AGK: variants seen among roughly 807,000 people sequenced by gnomAD.
AGK encodes acylglycerol kinase, mitochondrial.
AGK carries 52 observed loss-of-function variants against 66.4 expected under a neutral mutation model. The ratio of observed to expected loss-of-function variants is 0.78; its 90% CI spans 0.63 to 0.99. AGK has a LOEUF of 0.99. Among genes scored for constraint, AGK ranks in the 50% least tolerant of loss-of-function variants. The probability of loss-of-function intolerance (pLI) is 0.00; values close to 1 mark genes in which losing one functional copy is unlikely to be tolerated. For synonymous variants in AGK, 182 were observed against 181.1 expected (o/e 1.00, Z -0.04); for missense variants, 451 against 506.6 (o/e 0.89, Z 1.05).
chr7:141,576,395 C>T (rs954185596), intron 2 of AGK, among the ~76,000 whole-genome samples: 21 of 151,632 alleles, frequency 1.4e-4, no homozygotes, highest in African/African-American at 3.2e-4. Context: ...AAGCTAATTC[C>T]GATCTGCTAT....
chr7:141,653,292 C>G lies in AGK; in HGVS notation c.*368C>G, dbSNP rs1797609466. On this transcript the variant is annotated 3_prime_UTR_variant, in exon 16 of 16. Coordinates refer to ENST00000649286, the MANE Select transcript of AGK (RefSeq NM_018238.4). ...CTTCCATTTCTCTTCTTTGACCGTG[C>G]TAGGAATTCCAGGAAAGTGCATTCC... 1 of 186,364 alleles carries G rather than the reference C, an allele frequency of 5.4e-6. No individual in the cohort carries two copies. Among genetic ancestry groups the G allele is most frequent in the Admixed American group, 5.4e-5 (1 of 18,468 alleles). 11.5% of individuals were successfully genotyped at this position (186,364 alleles called of 1,614,324 possible).
At chr7:141,581,313 G>C (rs1247269593) in intron 2 of AGK, among the ~76,000 whole-genome samples, 1 of 151,892 alleles carries the variant, frequency 6.6e-6, no homozygotes, top group African/African-American at 2.4e-5. Flanking sequence ...GCATGTTTGA[G>C]ATCCAGAAGA....
intron 3 of AGK, chr7:141,593,860 A>T (rs1317529287): frequency 6.5e-6 from 1 of 154,086 alleles, no homozygotes; most frequent in African/African-American, 2.4e-5. Context: ...GAAACATGAA[A>T]ATCAAAAGTG....
intron 3 of AGK, among the ~76,000 whole-genome samples, chr7:141,594,354 C>T (rs1221381526): frequency 6.6e-6 from 1 of 151,922 alleles, no homozygotes; most frequent in East Asian, 1.9e-4. Context: ...ACCACCATGT[C>T]CAGCTAATTT....
chr7:141,651,906 CAGA>C (rs1222353594), intron 15 of AGK, among the ~76,000 whole-genome samples: 6 of 152,152 alleles, frequency 3.9e-5, no homozygotes, highest in Admixed American at 2.6e-4. Flanking sequence ...GTAAATAATG[CAGA>C]AGGTTACTAC....
At chr7:141,607,304 G>A (rs901332932) in intron 5 of AGK, among the ~76,000 whole-genome samples, 1 of 151,960 alleles carries the variant, frequency 6.6e-6, no homozygotes, top group Non-Finnish European at 1.5e-5. Flanking sequence ...CCATATCCTC[G>A]TCAGTCTTTG....
chr7:141,634,730 C>T (rs546044346), intron 10 of AGK, among the ~76,000 whole-genome samples: 1 of 151,998 alleles, frequency 6.6e-6, no homozygotes, highest in Non-Finnish European at 1.5e-5. Context: ...TTCTTAAAAT[C>T]GAGGGCTTAC....
chr7:141,628,217 T>G (rs1796980577), intron 9 of AGK, among the ~76,000 whole-genome samples: 1 of 152,164 alleles, frequency 6.6e-6, no homozygotes, highest in Non-Finnish European at 1.5e-5. Context: ...TCTTTTATGT[T>G]TTTCTTTGAA....
chr7:141,615,566 G>A lies in AGK; in HGVS notation c.518+1G>A. 6.2e-7 allele frequency: 1 copy of A among 1,611,304 alleles called. No homozygotes were observed. The highest frequency in any genetic ancestry group is 8.5e-7 in the Non-Finnish European group (1 of 1,177,516). On this transcript the variant is annotated splice_donor_variant, in intron 8 of 15. Coordinates refer to ENST00000649286, the MANE Select transcript of AGK (RefSeq NM_018238.4). LOFTEE classifies it high-confidence loss of function. Reference sequence around the variant, plus strand: ...TTGCCGAAAGTGGAAACAAAGTCCAGTAGGTTGTCAATGTGGGGAATTAGC... The same window carrying A: ...TTGCCGAAAGTGGAAACAAAGTCCAATAGGTTGTCAATGTGGGGAATTAGC...
At chr7:141,589,335 A>G (rs117236126) in intron 2 of AGK, among the ~76,000 whole-genome samples, 18 of 152,214 alleles carry the variant, frequency 1.2e-4, no homozygotes, top group African/African-American at 4.1e-4. Flanking sequence ...TAGTTGCTCT[A>G]TGAATTTTAA....
Position 141,641,927 on chromosome 7 carries a change from T to G in AGK, c.975+19T>G. On this transcript the variant is annotated intron_variant, in intron 13 of 15. Transcript: ENST00000649286. ...CCCGACAGTAAGTGTGCTTTTTTAT[T>G]AGAAAAGCATTTGGTACCTAAGAAA... is the stretch of plus-strand genomic sequence containing the variant. The G allele has an allele frequency of 6.4e-7, 1 of 1,555,758 alleles. No homozygotes were observed. Among genetic ancestry groups the G allele is most frequent in the Non-Finnish European group, 8.7e-7 (1 of 1,146,382 alleles).
In AGK at chr7:141,615,539, C is replaced by G. The variant is rs1485021759; in HGVS notation, c.492C>G (p.Leu164=). 1 of 1,613,904 alleles carries G rather than the reference C, an allele frequency of 6.2e-7. No homozygotes were observed. The highest frequency in any genetic ancestry group is 1.7e-5 in the Admixed American group (1 of 60,028). The change falls in exon 8 of 16, where the codon CTC becomes CTG. Residue 164 remains leucine, a synonymous_variant. Coordinates refer to ENST00000649286, the MANE Select transcript of AGK (RefSeq NM_018238.4). ...LGETSSLSHT[L]FAESGNKVQH... is the part of the protein sequence containing the mutation. Reference sequence around the variant, plus strand: ...AGACCAGTAGTTTGAGTCATACCCTCTTTGCCGAAAGTGGAAACAAAGTCC... The same window carrying G: ...AGACCAGTAGTTTGAGTCATACCCTGTTTGCCGAAAGTGGAAACAAAGTCC...
At chr7:141,639,522 G>A (rs1257318292) in intron 11 of AGK, among the ~76,000 whole-genome samples, 5 of 152,144 alleles carry the variant, frequency 3.3e-5, no homozygotes, top group African/African-American at 1.2e-4. Context: ...CAGGACAAGG[G>A]GCACCTTTTT....
intron 5 of AGK, among the ~76,000 whole-genome samples, chr7:141,609,482 GATAC>G (rs1233819354): frequency 6.6e-6 from 1 of 152,228 alleles, no homozygotes. Context: ...CAAATGGAAA[GATAC>G]ATAGGTCAAG....
chr7:141,589,182 G>A (rs1248632972), intron 2 of AGK, among the ~76,000 whole-genome samples: 2 of 152,030 alleles, frequency 1.3e-5, no homozygotes. Context: ...GTGTTTTTGG[G>A]CACGTCACTT....
intron 8 of AGK, among the ~76,000 whole-genome samples, chr7:141,616,750 T>C (rs1796709276): frequency 6.6e-6 from 1 of 151,512 alleles, no homozygotes; most frequent in South Asian, 2.1e-4. Context: ...TCCTTTTTTT[T>C]TCTTTTTCTT....
intron 2 of AGK, among the ~76,000 whole-genome samples, chr7:141,568,066 C>A (rs975985836): frequency 6.6e-6 from 1 of 152,104 alleles, no homozygotes; most frequent in African/African-American, 2.4e-5. Flanking sequence ...ACATACTCAG[C>A]CCTGTGGAAG....
At chr7:141,588,349 C>T (rs999687421) in intron 2 of AGK, among the ~76,000 whole-genome samples, 1 of 152,108 alleles carries the variant, frequency 6.6e-6, no homozygotes, top group African/African-American at 2.4e-5. Flanking sequence ...GATAGTAGGC[C>T]AGGCACAGTG....
intron 15 of AGK, among the ~76,000 whole-genome samples, chr7:141,651,979 A>AT (rs1246193941): frequency 1.3e-5 from 2 of 152,194 alleles, no homozygotes; most frequent in African/African-American, 4.8e-5. Context: ...TTACTTTAAC[A>AT]TTTTTTATAA....
Sources: gnomAD v4.1 joint callset for allele counts (sites outside exome capture counted in the v4.1 genomes callset) on GRCh38, gnomAD v4.1.1 for gene constraint, MANE v1.5 for transcripts, NCBI Gene and HGNC (gene_info 2026-07-23, HGNC 2026-07-21) for gene names.